Variants in ZNF611 observed in about 807,000 individuals in gnomAD.
ZNF611 encodes zinc finger protein 611.
Under a neutral mutation model 8.9 loss-of-function variants are expected in ZNF611, and 6 were observed. That is an observed-to-expected ratio of 0.68 (90% CI 0.37 to 1.34). The LOEUF (loss-of-function observed/expected upper bound fraction) is 1.34, where lower values mean the gene tolerates loss of function less well. ZNF611 is among the 40% of genes most tolerant of loss of function. ZNF611 has a pLI of 0.02. For synonymous variants in ZNF611, 262 were observed against 279.7 expected, an observed-to-expected ratio of 0.94 and a Z score of 0.63; for missense variants, 874 against 841.3, an observed-to-expected ratio of 1.04 and a Z score of -0.48.
rs532868859 is a variant in ZNF611 at position 52,732,887 on chromosome 19, G to A, written c.-222+2114C>T. On this transcript the variant is annotated intron_variant, in intron 1 of 5. Coordinates refer to ENST00000652185, the MANE Select transcript of ZNF611 (RefSeq NM_001161499.2). Reference sequence around the variant, plus strand: ...GAGGATGGCTTGAACTTAAGAGGTCGAGGCTGCAGTTAGAGGAGATCACGC... The same window carrying A: ...GAGGATGGCTTGAACTTAAGAGGTCAAGGCTGCAGTTAGAGGAGATCACGC... Among the ~76,000 whole-genome samples the A allele has an allele frequency of 1.1e-3, 166 of 152,104 alleles. 1 individual carries two copies. The highest frequency in any genetic ancestry group is 4.5e-3 in the Admixed American group (69 of 15,280).
intron 3 of ZNF611, among the ~76,000 whole-genome samples, chr19:52,719,952 T>A (rs2062343582): frequency 6.6e-6 from 1 of 152,188 alleles, no homozygotes; most frequent in African/African-American, 2.4e-5. Flanking sequence ...TACTTGAGAT[T>A]AGGGAGTGGT....
At chr19:52,722,196 CA>C (rs141817982) in intron 3 of ZNF611, among the ~76,000 whole-genome samples, 14 of 151,074 alleles carry the variant, frequency 9.3e-5, no homozygotes, top group East Asian at 3.9e-4. Flanking sequence ...ACCGTTTCTA[CA>C]AAAAAAATAA....
chr19:52,705,152 A>T lies in ZNF611; in HGVS notation c.1903T>A (p.Ser635Thr). The change falls in exon 6 of 6, where the codon TCA (serine) becomes ACA (threonine). Residue 635 changes from serine (S) to threonine (T), a missense_variant. Ser to Thr is a moderately conservative substitution (Grantham distance 58). Transcript: ENST00000652185. ...NECGNTFRHC[S>T]SLIYHRRLHT... ...AGTCTACGATGGTATATAAGGGATG[A>T]GCAGTGACGGAAGGTATTGCCACAC... 6.2e-7 allele frequency: 1 copy of T among 1,614,114 alleles called. No individual in the cohort carries two copies. The highest frequency in any genetic ancestry group is 8.5e-7 in the Non-Finnish European group (1 of 1,180,036).
chr19:52,719,936 C>T (rs2062343445), intron 3 of ZNF611, among the ~76,000 whole-genome samples: 1 of 152,172 alleles, frequency 6.6e-6, no homozygotes, highest in South Asian at 2.1e-4. Flanking sequence ...TGTTTGTCTC[C>T]CTGGGTACTT....
chr19:52,730,402 A>AC lies in ZNF611; in HGVS notation c.-221-398_-221-397insG, dbSNP rs1391365270. ...GCCAGACTCCGTCTCAAAAAAAAAA[A>AC]AAAAAAAAAAAAAAAAAAAAAACAT... On this transcript the variant is annotated intron_variant, in intron 1 of 5. Coordinates refer to ENST00000652185, the MANE Select transcript of ZNF611 (RefSeq NM_001161499.2). 4.7e-3 allele frequency among the ~76,000 whole-genome samples: 301 copies of AC among 64,228 alleles called. 5 individuals carry two copies. The highest frequency in any genetic ancestry group is 0.015 in the African/African-American group (246 of 16,632). The allele number at this position is 64,228 out of a possible 152,430, so 42.1% of individuals were successfully genotyped here.
At chr19:52,726,264 A>ACG (rs1398293144) in intron 3 of ZNF611, among the ~76,000 whole-genome samples, 8 of 152,102 alleles carry the variant, frequency 5.3e-5, no homozygotes, top group South Asian at 2.1e-4. Flanking sequence ...TGCGGGCGTG[A>ACG]GGCCGGAAGC....
chr19:52,733,492 A>G (rs1204695395), intron 1 of ZNF611, among the ~76,000 whole-genome samples: 1 of 151,502 alleles, frequency 6.6e-6, no homozygotes, highest in Non-Finnish European at 1.5e-5. Flanking sequence ...GGCGGGGGGG[A>G]GGTCTCACTA....
In ZNF611 at chr19:52,705,998, T is replaced by G. The variant is rs746052004; in HGVS notation, c.1057A>C (p.Asn353His). ...TGATGTGAAAGTTGTGATTGTTGAT[T>G]AAAAGCCTTGTCACATTCATTACAC... ...YKCNECDKAF[N>H]QQSQLSHHRI... Residue 353 changes from asparagine (N) to histidine (H), a missense_variant, in exon 6 of 6, where the codon AAT (asparagine) becomes CAT (histidine). Transcript: ENST00000652185. The G allele has an allele frequency of 5.8e-5, 94 of 1,613,910 alleles. No homozygotes were observed. Among genetic ancestry groups the G allele is most frequent in the Non-Finnish European group, 7.2e-5 (85 of 1,180,000 alleles).
In ZNF611 at chr19:52,704,569, C is replaced by T. The variant is rs921719838; in HGVS notation, c.*368G>A. The stretch of plus-strand genomic sequence containing the variant: ...TCACCGATGACCTGCAATATGTGAA[C>T]GATCTCTGAAAAATTTGCCACATTT... On this transcript the variant is annotated 3_prime_UTR_variant, in exon 6 of 6. Coordinates refer to ENST00000652185, the MANE Select transcript of ZNF611 (RefSeq NM_001161499.2). 82 of 1,484,552 alleles carry T rather than the reference C, an allele frequency of 5.5e-5. No individual in the cohort carries two copies. The highest frequency in any genetic ancestry group is 6.1e-5 in the Non-Finnish European group (65 of 1,069,692). The allele number at this position is 1,484,552 out of a possible 1,614,324, so 92.0% of individuals were successfully genotyped here. A position where few individuals can be genotyped will look rare whatever the true frequency, so the allele number is the denominator to read the frequency against.
intron 3 of ZNF611, among the ~76,000 whole-genome samples, chr19:52,721,644 G>A (rs747918928): frequency 3.3e-5 from 5 of 150,476 alleles, no homozygotes; most frequent in African/African-American, 7.5e-5. Context: ...GTCCAGCCTC[G>A]GCAACAGAGG....
At chr19:52,717,805 C>A (rs1394716535) in intron 3 of ZNF611, 1 of 518,518 alleles carries the variant, frequency 1.9e-6, no homozygotes, top group African/African-American at 2.1e-5. Flanking sequence ...GCTACTTGAA[C>A]TAAATTTTCA....
chr19:52,709,055 A>G (rs1776377652), intron 5 of ZNF611, among the ~76,000 whole-genome samples: 1 of 152,172 alleles, frequency 6.6e-6, no homozygotes, highest in South Asian at 2.1e-4. Context: ...TATAAAACAA[A>G]TTGCACAATA....
intron 3 of ZNF611, among the ~76,000 whole-genome samples, chr19:52,722,105 T>C (rs1026573462): frequency 4.6e-5 from 7 of 151,876 alleles, no homozygotes; most frequent in Non-Finnish European, 5.9e-5. Flanking sequence ...CTCATCCCTA[T>C]AATCCCAGTA....
chr19:52,712,109 G>A (rs1189446758), intron 5 of ZNF611, among the ~76,000 whole-genome samples: 4 of 152,138 alleles, frequency 2.6e-5, no homozygotes, highest in African/African-American at 7.2e-5. Context: ...ACGGTGGCCT[G>A]AGGTGAAAGC....
In ZNF611 at chr19:52,710,061, G is replaced by C. The variant is rs192591622; in HGVS notation, c.191-3197C>G. ...TGAGCAACAAATTTCTATGTCTTAAGCTTTCCAGTTTCAGCTATTTCTTTT... is the reference window on the plus strand; with the variant it reads ...TGAGCAACAAATTTCTATGTCTTAACCTTTCCAGTTTCAGCTATTTCTTTT... On this transcript the variant is annotated intron_variant, in intron 5 of 5. Transcript: ENST00000652185. Among the ~76,000 whole-genome samples the C allele has an allele frequency of 2.6e-4, 40 of 152,116 alleles. 1 individual carries two copies. Among genetic ancestry groups the C allele is most frequent in the Admixed American group, 7.2e-4 (11 of 15,274 alleles).
intron 5 of ZNF611, chr19:52,708,887 G>A (rs376808713): frequency 2.8e-4 from 43 of 152,180 alleles, no homozygotes; most frequent in African/African-American, 9.1e-4. Context: ...ATAGAAAAGT[G>A]TAATTATGAT....
chr19:52,708,424 G>A (rs1316507081), intron 5 of ZNF611: 1 of 152,248 alleles, frequency 6.6e-6, no homozygotes, highest in Admixed American at 6.5e-5. Context: ...CATGAACCTG[G>A]AAGATGGAGA....
In ZNF611 at chr19:52,704,487, T is replaced by G; in HGVS notation, c.*450A>C. ...TCCTATGTTTTGCATAGGATGAAGC[T>G]TGACTGAAGACCTTGGCACAGTCAT... On this transcript the variant is annotated 3_prime_UTR_variant, in exon 6 of 6. Transcript: ENST00000652185. 2.3e-6 allele frequency: 2 copies of G among 883,776 alleles called. No individual in the cohort carries two copies. Among genetic ancestry groups the G allele is most frequent in the Non-Finnish European group, 3.7e-6 (2 of 535,506 alleles). 54.7% of individuals were successfully genotyped at this position (883,776 alleles called of 1,614,324 possible).
chr19:52,719,925 G>T (rs773158972), intron 3 of ZNF611, among the ~76,000 whole-genome samples: 1 of 152,246 alleles, frequency 6.6e-6, no homozygotes, highest in African/African-American at 2.4e-5. Flanking sequence ...GCCTTCCGCA[G>T]TGTTTGTCTC....
Sources: allele counts gnomAD v4.1 joint callset (sites outside exome capture counted in the v4.1 genomes callset), GRCh38; gene constraint gnomAD v4.1.1; transcripts MANE v1.5; gene names NCBI Gene and HGNC (gene_info 2026-07-23, HGNC 2026-07-21).